The following SEC24D variants were observed in gnomAD, a reference collection of about 807,000 sequenced individuals.
The protein encoded by SEC24D is protein transport protein Sec24D.
In SEC24D, 69 loss-of-function variants were observed where a neutral mutation model predicts 116.9. The ratio of observed to expected loss-of-function variants is 0.59; its 90% confidence interval spans 0.49 to 0.72. The LOEUF (loss-of-function observed/expected upper bound fraction) is 0.72, where lower values mean the gene tolerates loss of function less well. Ranked by LOEUF, SEC24D falls within the 30% of genes least tolerant of loss-of-function variation. The pLI is 0.00. For synonymous variants in SEC24D, 405 were observed against 442.8 expected (o/e 0.91, Z 1.07); for missense variants, 1,131 against 1,264.1 (o/e 0.89, Z 1.60).
At chr4:118,817,991 T>G (rs975333314) in intron 3 of SEC24D, among the ~76,000 whole-genome samples, 1 of 151,752 alleles carries the variant, frequency 6.6e-6, no homozygotes, top group South Asian at 2.1e-4. Context: ...GAGCTGAGAC[T>G]GCACCACTGC....
chr4:118,737,007 AT>A, intron 19 of SEC24D, among the ~76,000 whole-genome samples: 1 of 152,344 alleles, frequency 6.6e-6, no homozygotes. Flanking sequence ...TAACAAATGA[AT>A]GTCCAGAGAG....
chr4:118,777,919 G>A (rs186391205), intron 8 of SEC24D, among the ~76,000 whole-genome samples: 19 of 152,342 alleles, frequency 1.2e-4, no homozygotes, highest in African/African-American at 4.6e-4. Flanking sequence ...CTTTTGAGAA[G>A]AGTCTGTTCA....
At position 118,752,067 on chromosome 4, in the gene SEC24D, T is replaced by C; in HGVS notation, c.1636A>G (p.Met546Val). 1 of 1,612,370 alleles carries C rather than the reference T, an allele frequency of 6.2e-7. No homozygotes were observed. The highest frequency in any genetic ancestry group is 8.5e-7 in the Non-Finnish European group (1 of 1,178,804). ...IHNLLDQIPD[M>V]FADSNENETV... ...TCATTTTCATTAGAGTCTGCAAACA[T>C]GTCTGGAATCTGGTCCAACAAACTA... Residue 546 changes from methionine to valine, a missense_variant, in exon 13 of 23, where the codon ATG (methionine) becomes GTG (valine). Transcript: ENST00000280551.
chr4:118,807,516 G>A (rs1468397226), intron 6 of SEC24D, among the ~76,000 whole-genome samples: 5 of 148,680 alleles, frequency 3.4e-5, no homozygotes. Flanking sequence ...GAGGGTGTAA[G>A]AAGAGGAAAA....
At chr4:118,805,197 C>A (rs1017103608) in intron 7 of SEC24D, among the ~76,000 whole-genome samples, 1 of 152,162 alleles carries the variant, frequency 6.6e-6, no homozygotes, top group Non-Finnish European at 1.5e-5. Flanking sequence ...AGCTCAACAA[C>A]TCTGGGATGA....
At chr4:118,782,317 GT>G (rs1277986780) in intron 8 of SEC24D, among the ~76,000 whole-genome samples, 37 of 152,188 alleles carry the variant, frequency 2.4e-4, no homozygotes, top group African/African-American at 8.4e-4. Flanking sequence ...CTTTCTGTTT[GT>G]TAGTCTTCCT....
intron 8 of SEC24D, among the ~76,000 whole-genome samples, chr4:118,787,853 C>A (rs1388913507): frequency 6.6e-6 from 1 of 152,158 alleles, no homozygotes; most frequent in Non-Finnish European, 1.5e-5. Context: ...AGGTCTCACT[C>A]TGACACCAGG....
chr4:118,751,140 T>C (rs948435373), intron 13 of SEC24D, among the ~76,000 whole-genome samples: 1 of 151,378 alleles, frequency 6.6e-6, no homozygotes, highest in African/African-American at 2.4e-5. Flanking sequence ...GGTTTGACTC[T>C]TGTGTTAAGG....
chr4:118,728,241 AT>A (rs1223940123), intron 22 of SEC24D, among the ~76,000 whole-genome samples: 1 of 152,224 alleles, frequency 6.6e-6, no homozygotes, highest in Non-Finnish European at 1.5e-5. Flanking sequence ...TACTTTTATA[AT>A]TAAGTAATTT....
At chr4:118,737,146 T>C (rs538198523) in intron 19 of SEC24D, among the ~76,000 whole-genome samples, 33 of 152,376 alleles carry the variant, frequency 2.2e-4, no homozygotes, top group Non-Finnish European at 2.6e-4. Context: ...GTGCTCATGA[T>C]TGGACTGCAT....
chr4:118,765,234 T>C (rs1283194694), intron 9 of SEC24D, among the ~76,000 whole-genome samples: 1 of 152,238 alleles, frequency 6.6e-6, no homozygotes, highest in Non-Finnish European at 1.5e-5. Flanking sequence ...TTACCTCTTT[T>C]AAAAAGAATT....
Position 118,815,523 on chromosome 4 carries a change from G to A in SEC24D, c.601C>T (p.Pro201Ser). The change falls in exon 5 of 23, where the codon CCT becomes TCT. Residue 201 changes from proline to serine, a missense_variant. Pro to Ser is a moderately conservative substitution (Grantham distance 74, BLOSUM62 -1). Coordinates refer to ENST00000280551, the MANE Select transcript of SEC24D (RefSeq NM_014822.4). ...GGGGGCTGGTACTGGGCATTTGGAG[G>A]AGGAGGCCCAGAGAGCCCATCTGGT... The part of the protein sequence containing the change: ...YRPDGLSGPP[P>S]PNAQYQPPPL... The A allele has an allele frequency of 6.2e-7, 1 of 1,614,194 alleles. No homozygotes were observed. Among genetic ancestry groups the A allele is most frequent in the Non-Finnish European group, 8.5e-7 (1 of 1,180,008 alleles).
chr4:118,799,489 T>C (rs993143016), intron 7 of SEC24D, among the ~76,000 whole-genome samples: 3 of 152,156 alleles, frequency 2.0e-5, no homozygotes, highest in African/African-American at 7.2e-5. Context: ...GAGATACACA[T>C]TTGGGAATTC....
chr4:118,810,074 C>CTGTGTGTGTGTGTGTG lies in SEC24D; in HGVS notation c.802-4136_802-4121dup, dbSNP rs71595321. On this transcript the variant is annotated intron_variant, in intron 6 of 22. Coordinates refer to ENST00000280551, the MANE Select transcript of SEC24D (RefSeq NM_014822.4). ...TGGTAAGAGACCAGGTCAGAGGTAGCTGTGTGTGTGTGTGTGTGTGTGTGT... is the reference window on the plus strand; with the variant it reads ...TGGTAAGAGACCAGGTCAGAGGTAGCTGTGTGTGTGTGTGTGTGTGTGTGTGTGTGTGTGTGTGTGT... Among the ~76,000 whole-genome samples the CTGTGTGTGTGTGTGTG allele has an allele frequency of 9.5e-3, 368 of 38,600 alleles. 27 individuals are homozygous for CTGTGTGTGTGTGTGTG. The highest frequency in any genetic ancestry group is 0.012 in the South Asian group (9 of 722). The allele number at this position is 38,600 out of a possible 152,430, so 25.3% of individuals were successfully genotyped here.
chr4:118,831,089 T>C (rs538556904), intron 2 of SEC24D, among the ~76,000 whole-genome samples: 19 of 152,294 alleles, frequency 1.2e-4, no homozygotes, highest in Admixed American at 3.9e-4. Flanking sequence ...TGGCGTGATC[T>C]TGGCTCACTG....
chr4:118,820,022 T>C (rs968684921), intron 3 of SEC24D, among the ~76,000 whole-genome samples: 1 of 152,158 alleles, frequency 6.6e-6, no homozygotes, highest in African/African-American at 2.4e-5. Flanking sequence ...AACTTAAATA[T>C]GGTAAGTCTT....
intron 13 of SEC24D, among the ~76,000 whole-genome samples, chr4:118,750,916 A>T (rs1726793946): frequency 6.6e-6 from 1 of 152,012 alleles, no homozygotes; most frequent in South Asian, 2.1e-4. Flanking sequence ...CTTGCAGATT[A>T]AAAAAACCCA....
chr4:118,776,423 G>C (rs1427346088), intron 8 of SEC24D, among the ~76,000 whole-genome samples: 1 of 152,168 alleles, frequency 6.6e-6, no homozygotes, highest in African/African-American at 2.4e-5. Flanking sequence ...GCAGCTCCTG[G>C]TGAGAGGGTA....
chr4:118,775,983 G>A (rs1248934145), intron 8 of SEC24D, among the ~76,000 whole-genome samples: 1 of 152,058 alleles, frequency 6.6e-6, no homozygotes, highest in African/African-American at 2.4e-5. Flanking sequence ...CTTAACAGCA[G>A]TATGTTAGCT....
Sources: allele counts gnomAD v4.1 joint callset (sites outside exome capture counted in the v4.1 genomes callset), GRCh38; gene constraint gnomAD v4.1.1; transcripts MANE v1.5; gene names NCBI Gene and HGNC (gene_info 2026-07-23, HGNC 2026-07-21).